CD2AP: variants seen among roughly 807,000 people sequenced by gnomAD.
CD2AP encodes the protein CD2 associated protein.
A neutral mutation model predicts 85.1 loss-of-function variants in CD2AP; 46 were observed. The ratio of observed to expected loss-of-function variants is 0.54; its 90% confidence interval spans 0.43 to 0.69. The LOEUF (loss-of-function observed/expected upper bound fraction) is 0.69. Among genes scored for constraint, CD2AP ranks in the 30% least tolerant of loss-of-function variants. The pLI, the probability that CD2AP is intolerant of heterozygous loss-of-function variation, is 0.00. For missense variants in CD2AP, 769 were observed against 729.5 expected (o/e 1.05, Z -0.62); for synonymous variants, 255 against 252.9 (o/e 1.01, Z -0.08).
chr6:47,589,409 CACAT>C (rs1768716525), intron 11 of CD2AP, among the ~76,000 whole-genome samples: 2 of 146,346 alleles, frequency 1.4e-5, no homozygotes, highest in East Asian at 2.0e-4. Context: ...TATATACACA[CACAT>C]ATATATACAC....
intron 1 of CD2AP, among the ~76,000 whole-genome samples, chr6:47,495,166 AAGAG>A (rs1226697612): frequency 2.0e-5 from 3 of 152,168 alleles, no homozygotes; most frequent in Non-Finnish European, 2.9e-5. Context: ...TTGCGTCAAA[AAGAG>A]AGAGAGAAAT....
chr6:47,546,664 T>A (rs1767372997), intron 4 of CD2AP, among the ~76,000 whole-genome samples: 1 of 152,034 alleles, frequency 6.6e-6, no homozygotes, highest in African/African-American at 2.4e-5. Context: ...CATCCAAATA[T>A]AGGAAGTTCA....
At chr6:47,509,021 A>G (rs561409470) in intron 2 of CD2AP, among the ~76,000 whole-genome samples, 1 of 152,168 alleles carries the variant, frequency 6.6e-6, no homozygotes, top group East Asian at 1.9e-4. Flanking sequence ...AAACTTGGTC[A>G]TTTCTAGCTT....
intron 11 of CD2AP, among the ~76,000 whole-genome samples, chr6:47,591,997 T>G (rs1182449214): frequency 6.6e-6 from 1 of 151,992 alleles, no homozygotes; most frequent in African/African-American, 2.4e-5. Context: ...GCTAATTTTT[T>G]AATTTATTTT....
intron 2 of CD2AP, among the ~76,000 whole-genome samples, chr6:47,511,661 A>T (rs1766316123): frequency 3.3e-5 from 5 of 152,120 alleles, no homozygotes; most frequent in Admixed American, 3.3e-4. Flanking sequence ...AATTTTATTT[A>T]AAAAAAATTA....
chr6:47,526,612 T>C (rs1296866447), intron 2 of CD2AP, among the ~76,000 whole-genome samples: 1 of 152,190 alleles, frequency 6.6e-6, no homozygotes, highest in Non-Finnish European at 1.5e-5. Flanking sequence ...TATATCATGT[T>C]AACATTGTTT....
intron 11 of CD2AP, among the ~76,000 whole-genome samples, chr6:47,585,051 T>C (rs1481974129): frequency 1.3e-5 from 2 of 151,872 alleles, no homozygotes; most frequent in African/African-American, 4.8e-5. Flanking sequence ...CCCAGCACTT[T>C]GGGAGGCCGA....
At chr6:47,551,702 G>C (rs531013603) in intron 4 of CD2AP, among the ~76,000 whole-genome samples, 5 of 152,270 alleles carry the variant, frequency 3.3e-5, no homozygotes, top group African/African-American at 1.2e-4. Flanking sequence ...ATGGGGTATA[G>C]CCCAAATGGC....
intron 2 of CD2AP, among the ~76,000 whole-genome samples, chr6:47,510,137 C>T (rs1000538546): frequency 2.6e-5 from 4 of 152,096 alleles, no homozygotes; most frequent in African/African-American, 9.7e-5. Flanking sequence ...AAATTAACCA[C>T]AGGTTACTAG....
chr6:47,598,201 A>G (rs1358998862), intron 12 of CD2AP, among the ~76,000 whole-genome samples: 1 of 151,078 alleles, frequency 6.6e-6, no homozygotes, highest in African/African-American at 2.4e-5. Context: ...GCAATGTGAT[A>G]CCACCTCACT....
intron 5 of CD2AP, among the ~76,000 whole-genome samples, chr6:47,564,215 C>A (rs1767934843): frequency 6.6e-6 from 1 of 152,130 alleles, no homozygotes; most frequent in Admixed American, 6.5e-5. Flanking sequence ...CAAACTGTCT[C>A]CTGAGTTACT....
At chr6:47,599,228 G>A in intron 12 of CD2AP, 73 bp from the exon 13 acceptor site, 1 of 1,292,842 alleles carries the variant, frequency 7.7e-7, no homozygotes, top group Non-Finnish European at 1.1e-6. Flanking sequence ...AATCTTTAAT[G>A]TCATTAAATC....
intron 2 of CD2AP, among the ~76,000 whole-genome samples, chr6:47,506,868 T>G (rs770651909): frequency 1.3e-4 from 20 of 151,784 alleles, no homozygotes; most frequent in Admixed American, 1.3e-3. Flanking sequence ...TGTGGCAGTT[T>G]CTAAGATGAG....
At chr6:47,505,845 G>A (rs1364947492) in intron 2 of CD2AP, among the ~76,000 whole-genome samples, 1 of 123,730 alleles carries the variant, frequency 8.1e-6, no homozygotes, top group Non-Finnish European at 1.8e-5. Flanking sequence ...TGTCCGGGCG[G>A]GGGGGCTGAC....
At chr6:47,568,758 A>ATAAATAAG (rs1318654333) in intron 5 of CD2AP, among the ~76,000 whole-genome samples, 1 of 151,900 alleles carries the variant, frequency 6.6e-6, no homozygotes, top group African/African-American at 2.4e-5. Context: ...AAATAAATAA[A>ATAAATAAG]TAAGGAAACG....
At chr6:47,525,228 A>AT (rs1199033372) in intron 2 of CD2AP, among the ~76,000 whole-genome samples, 1 of 151,964 alleles carries the variant, frequency 6.6e-6, no homozygotes, top group Non-Finnish European at 1.5e-5. Flanking sequence ...TTTAATTCTT[A>AT]TTTTCCTTAT....
chr6:47,524,203 G>T (rs1431602037), intron 2 of CD2AP, among the ~76,000 whole-genome samples: 1 of 152,060 alleles, frequency 6.6e-6, no homozygotes, highest in East Asian at 1.9e-4. Flanking sequence ...AGGTATTTCA[G>T]ATTGGTCACT....
intron 13 of CD2AP, 97 bp from the exon 14 acceptor site, chr6:47,606,068 T>G: frequency 1.4e-6 from 1 of 708,278 alleles, no homozygotes; most frequent in Non-Finnish European, 2.5e-6. Context: ...AGTGGTACTC[T>G]TTTTAATTTA....
rs1368314339 is a variant in CD2AP at position 47,609,527 on chromosome 6, A to AAAG, written c.1814+225_1814+226insGAA. The AAAG allele has an allele frequency of 3.2e-3, 1,183 of 366,490 alleles. 6 individuals are homozygous for AAAG. Among genetic ancestry groups the AAAG allele is most frequent in the Admixed American group, 5.5e-3 (125 of 22,740 alleles). The allele number at this position is 366,490 out of a possible 1,614,324, so 22.7% of individuals were successfully genotyped here. A position where few individuals can be genotyped will look rare whatever the true frequency, so the allele number is the denominator to read the frequency against. ...CCCCATCTTTGCAAAAAAAAAAAAA[A>AAAG]AAAAGAAAAGAAAAGAAAAGAAAAA... On this transcript the variant is annotated intron_variant, in intron 16 of 17. Transcript: ENST00000359314.
Sources: gnomAD v4.1 joint callset for allele counts (sites outside exome capture counted in the v4.1 genomes callset) on GRCh38, gnomAD v4.1.1 for gene constraint, MANE v1.5 for transcripts, NCBI Gene and HGNC (gene_info 2026-07-23, HGNC 2026-07-21) for gene names.